Variants in SEC14L6 observed in about 807,000 individuals in gnomAD.
SEC14L6 encodes the protein SEC14 like lipid binding 6.
A neutral mutation model predicts 54.1 loss-of-function variants in SEC14L6; 40 were observed. The ratio of observed to expected loss-of-function variants is 0.74; its 90% CI spans 0.57 to 0.96. The LOEUF is 0.96. SEC14L6 is among the 40% of genes least tolerant of loss of function. The pLI is 0.00. For missense variants in SEC14L6, 471 were observed against 498.3 expected, an observed-to-expected ratio of 0.95 and a Z score of 0.52; for synonymous variants, 171 against 198.4, an observed-to-expected ratio of 0.86 and a Z score of 1.16.
chr22:30,528,230 C>T (rs1364644486), intron 8 of SEC14L6, among the ~76,000 whole-genome samples: 1 of 149,174 alleles, frequency 6.7e-6, no homozygotes, highest in Non-Finnish European at 1.5e-5. Flanking sequence ...TCAAGCAGTT[C>T]CCTGCCTCAG....
intron 1 of SEC14L6, chr22:30,544,144 G>A (rs4820866): frequency 0.075 from 86,741 of 1,152,188 alleles, 3,632 homozygotes; most frequent in South Asian, 0.097. Context: ...ACAAGGAGCC[G>A]CCATGATGAG....
Position 30,544,998 on chromosome 22 carries a change from G to A in SEC14L6, c.54+1631C>T, listed in dbSNP as rs538601614. 3.9e-4 allele frequency among the ~76,000 whole-genome samples: 59 copies of A among 151,856 alleles called. No individual in the cohort carries two copies. The South Asian group carries it at 0.012, about 30-fold the overall frequency. ...TTCTTTGCCCCGGGAACCCCATCCC[G>A]GCACCTCCCACCCCGCATACACCAC... On this transcript the variant is annotated intron_variant, in intron 1 of 11. Transcript: ENST00000402034.
chr22:30,541,890 T>TG (rs1353726135), intron 1 of SEC14L6, among the ~76,000 whole-genome samples: 1 of 152,214 alleles, frequency 6.6e-6, no homozygotes, highest in Non-Finnish European at 1.5e-5. Context: ...ACAAATTATC[T>TG]GGTATTGCTA....
In SEC14L6 at chr22:30,524,732, G is replaced by T. The variant is rs1440570273; in HGVS notation, c.*265C>A. The T allele has an allele frequency of 1.4e-5, 5 of 369,052 alleles. No homozygotes were observed. Among genetic ancestry groups the T allele is most frequent in the African/African-American group, 6.2e-5 (3 of 48,740 alleles). 22.9% of individuals were successfully genotyped at this position (369,052 alleles called of 1,614,324 possible). On this transcript the variant is annotated 3_prime_UTR_variant, in exon 12 of 12. Coordinates refer to ENST00000402034, the MANE Select transcript of SEC14L6 (RefSeq NM_001193336.4). ...TCTTGGTATTGGTTGATAGAAAAAA[G>T]CCTGGGGTTTTTGCTGAGCTTGAGG...
intron 1 of SEC14L6, chr22:30,544,119 G>T: frequency 1.5e-6 from 2 of 1,339,278 alleles, no homozygotes; most frequent in African/African-American, 2.9e-5. Context: ...CCATCTCCAT[G>T]CTCTTCCTTG....
chr22:30,545,724 C>T (rs2085791981), intron 1 of SEC14L6, among the ~76,000 whole-genome samples: 1 of 152,172 alleles, frequency 6.6e-6, no homozygotes, highest in Non-Finnish European at 1.5e-5. Flanking sequence ...CTGCACCAGA[C>T]CAGTTGTTTT....
At chr22:30,528,119 CTTTTTTTTTTTTTT>C (rs1201756831) in intron 8 of SEC14L6, among the ~76,000 whole-genome samples, 1 of 117,682 alleles carries the variant, frequency 8.5e-6, no homozygotes, top group Admixed American at 8.7e-5. Flanking sequence ...ACCTAGATTT[CTTTTTTTTTTTTTT>C]TTTTTTTGAG....
Position 30,544,475 on chromosome 22 carries a change from T to TCCA in SEC14L6, c.54+2151_54+2153dup, listed in dbSNP as rs554820810. 2.2e-3 allele frequency among the ~76,000 whole-genome samples: 327 copies of TCCA among 151,874 alleles called. 1 individual carries two copies. The highest frequency in any genetic ancestry group is 7.5e-3 in the African/African-American group (312 of 41,396). On this transcript the variant is annotated intron_variant, in intron 1 of 11. Transcript: ENST00000402034. ...GGAGAAAATCCCACCTCCCCTGACC[T>TCCA]CCACCACCACCACCACCACCCCTCA...
chr22:30,524,980 G>T lies in SEC14L6; in HGVS notation c.*17C>A. ...TTCAGAGATCAAAGAGGAGGGTGTG[G>T]GGACCATGAGGTTCACCTAGAATTT... On this transcript the variant is annotated 3_prime_UTR_variant, in exon 12 of 12. Coordinates refer to ENST00000402034, the MANE Select transcript of SEC14L6 (RefSeq NM_001193336.4). 7.9e-7 allele frequency: 1 copy of T among 1,266,182 alleles called. No homozygotes were observed. The highest frequency in any genetic ancestry group is 1.3e-5 in the South Asian group (1 of 78,356). 78.4% of individuals were successfully genotyped at this position (1,266,182 alleles called of 1,614,324 possible). A position where few individuals can be genotyped will look rare whatever the true frequency, so the allele number is the denominator to read the frequency against.
At chr22:30,536,320 A>G (rs116125154) in intron 2 of SEC14L6, among the ~76,000 whole-genome samples, 1,608 of 152,074 alleles carry the variant, frequency 0.011, 23 homozygotes, top group African/African-American at 0.036. Context: ...GTGATGATCA[A>G]CATGGTTTCA....
At chr22:30,546,254 G>A (rs892641463) in intron 1 of SEC14L6, among the ~76,000 whole-genome samples, 1 of 151,768 alleles carries the variant, frequency 6.6e-6, no homozygotes, top group African/African-American at 2.4e-5. Context: ...GTGGTAGCAG[G>A]TGCCTGTAAT....
chr22:30,544,874 T>A (rs763061853), intron 1 of SEC14L6, among the ~76,000 whole-genome samples: 1 of 152,110 alleles, frequency 6.6e-6, no homozygotes, highest in Non-Finnish European at 1.5e-5. Context: ...GAAACTGAGG[T>A]GTTAGAAAAC....
chr22:30,545,337 G>A lies in SEC14L6; in HGVS notation c.54+1292C>T, dbSNP rs1336794031. 3.3e-4 allele frequency among the ~76,000 whole-genome samples: 50 copies of A among 152,160 alleles called. 1 individual carries two copies. Reference sequence around the variant, plus strand: ...TTAAAATGTGGCTAGTTTGAACTGAGGTCTGCTGTGAGTGTAAAATACACA... The same window carrying A: ...TTAAAATGTGGCTAGTTTGAACTGAAGTCTGCTGTGAGTGTAAAATACACA... On this transcript the variant is annotated intron_variant, in intron 1 of 11. Transcript: ENST00000402034.
At position 30,525,733 on chromosome 22, in the gene SEC14L6, C is replaced by T. The variant is rs762184523; in HGVS notation, c.789G>A (p.Glu263=). 1 of 1,613,962 alleles carries T rather than the reference C, an allele frequency of 6.2e-7. No homozygotes were observed. The highest frequency in any genetic ancestry group is 1.1e-5 in the South Asian group (1 of 91,064). Residue 263 remains glutamate (E), a synonymous_variant, in exon 10 of 12, where the codon GAG becomes GAA. Coordinates refer to ENST00000402034, the MANE Select transcript of SEC14L6 (RefSeq NM_001193336.4). ...KCLTKINYGG[E]VPKSYYLCKQ... is the part of the protein sequence containing the mutation. ...TGCACAGGTAGTAGCTCTTGGGCAC[C>T]TCACCCCCGTAGTTGATCTGTGGGT...
intron 1 of SEC14L6, among the ~76,000 whole-genome samples, chr22:30,541,018 C>CAA (rs11443760): frequency 0.02 from 2,835 of 142,670 alleles, 48 homozygotes; most frequent in African/African-American, 0.048. Flanking sequence ...GACTACATCT[C>CAA]AAAAAAAAAA....
chr22:30,523,835 G>A lies in SEC14L6; in HGVS notation c.*1162C>T, dbSNP rs1936681454. The A allele has an allele frequency of 6.6e-6, 1 of 152,210 alleles. No homozygotes were observed. Among genetic ancestry groups the A allele is most frequent in the Non-Finnish European group, 1.5e-5 (1 of 68,044 alleles). The allele number at this position is 152,210 out of a possible 1,614,324, so 9.4% of individuals were successfully genotyped here. On this transcript the variant is annotated 3_prime_UTR_variant, in exon 12 of 12. Coordinates refer to ENST00000402034, the MANE Select transcript of SEC14L6 (RefSeq NM_001193336.4). Reference sequence around the variant, plus strand: ...TCAGAGCAGCATTGCACAACTGCTTGTTAGGGAACTATTTGAACCATGTCT... The same window carrying A: ...TCAGAGCAGCATTGCACAACTGCTTATTAGGGAACTATTTGAACCATGTCT...
At chr22:30,528,720 C>T (rs1047640361) in intron 8 of SEC14L6, among the ~76,000 whole-genome samples, 99 of 152,068 alleles carry the variant, frequency 6.5e-4, no homozygotes, top group Admixed American at 5.4e-3. Flanking sequence ...CACTGTGTGC[C>T]GCCAAAGATC....
chr22:30,532,510 G>A lies in SEC14L6; in HGVS notation c.423+15C>T, dbSNP rs1225448995. 8 of 1,541,040 alleles carry A rather than the reference G, an allele frequency of 5.2e-6. No individual in the cohort carries two copies. In the East Asian group the frequency reaches 2.0e-4, roughly 38 times the overall value. On this transcript the variant is annotated intron_variant, in intron 5 of 11. Coordinates refer to ENST00000402034, the MANE Select transcript of SEC14L6 (RefSeq NM_001193336.4). ...CTGTGTCCGGCTGCAGCTGCCCAGGGTGGCACCCACACACCTTCTGACTCT... is the reference window on the plus strand; with the variant it reads ...CTGTGTCCGGCTGCAGCTGCCCAGGATGGCACCCACACACCTTCTGACTCT...
At chr22:30,534,312 G>A (rs1252246036) in intron 2 of SEC14L6, among the ~76,000 whole-genome samples, 1 of 152,150 alleles carries the variant, frequency 6.6e-6, no homozygotes, top group Non-Finnish European at 1.5e-5. Context: ...CAGACCCTCA[G>A]AATCTGTCAG....
Sources: gnomAD v4.1 joint callset for allele counts (sites outside exome capture counted in the v4.1 genomes callset) on GRCh38, gnomAD v4.1.1 for gene constraint, MANE v1.5 for transcripts, NCBI Gene and HGNC (gene_info 2026-07-23, HGNC 2026-07-21) for gene names.